The following MYOM1 variants were observed in gnomAD, a reference collection of about 807,000 sequenced individuals.
MYOM1 encodes the protein myomesin 1.
Under a neutral mutation model 205.3 loss-of-function variants are expected in MYOM1, and 164 were observed. That is an observed-to-expected ratio of 0.80 (90% CI 0.70 to 0.91). MYOM1 has a LOEUF of 0.91. Ranked by LOEUF, MYOM1 falls within the 40% of genes least tolerant of loss-of-function variation. The probability of loss-of-function intolerance (pLI) is 0.00; values close to 1 mark genes in which losing one functional copy is unlikely to be tolerated. For missense variants in MYOM1, 2,011 were observed against 2,127.3 expected (o/e 0.95, Z 1.08); for synonymous variants, 772 against 789.4 (o/e 0.98, Z 0.37).
intron 13 of MYOM1, among the ~76,000 whole-genome samples, chr18:3,146,594 A>T (rs1414551815): frequency 6.6e-6 from 1 of 152,108 alleles, no homozygotes; most frequent in Non-Finnish European, 1.5e-5. Context: ...CTCTCAGAAA[A>T]CCAGGAGTAG....
chr18:3,160,087 C>CCTT (rs1245975896), intron 10 of MYOM1, among the ~76,000 whole-genome samples: 2 of 120,304 alleles, frequency 1.7e-5, no homozygotes, highest in African/African-American at 7.4e-5. Context: ...TCCTCCTCCT[C>CCTT]CTTCTTCTCC....
intron 3 of MYOM1, among the ~76,000 whole-genome samples, chr18:3,192,103 T>C (rs1436693892): frequency 6.6e-6 from 1 of 151,924 alleles, no homozygotes; most frequent in Non-Finnish European, 1.5e-5. Context: ...ATGTTAGGAG[T>C]AAGAAGCTTC....
At chr18:3,232,951 G>C in the MYOM1 span, among the ~76,000 whole-genome samples, 1 of 152,174 alleles carries the variant, frequency 6.6e-6, no homozygotes, top group Non-Finnish European at 1.5e-5. Flanking sequence ...TTGGAGGTTT[G>C]AAATTTTGTT....
intron 23 of MYOM1, 93 bp from the exon 24 acceptor site, chr18:3,100,519 C>A: frequency 1.2e-6 from 1 of 838,390 alleles, no homozygotes; most frequent in Non-Finnish European, 2.0e-6. Context: ...TATACTACTC[C>A]TTTCATCTGG....
chr18:3,165,173 A>C (rs978247031), intron 9 of MYOM1, among the ~76,000 whole-genome samples: 2 of 151,272 alleles, frequency 1.3e-5, no homozygotes, highest in African/African-American at 4.8e-5. Flanking sequence ...AGAACCTAGA[A>C]TAAAGGGACA....
chr18:3,111,492 C>T (rs1390329098), intron 22 of MYOM1, among the ~76,000 whole-genome samples: 2 of 152,096 alleles, frequency 1.3e-5, no homozygotes, highest in African/African-American at 2.4e-5. Flanking sequence ...GTTAGTTTAG[C>T]CCAGGGGTCA....
the MYOM1 span, among the ~76,000 whole-genome samples, chr18:3,233,851 G>T: frequency 3.3e-4 from 51 of 152,268 alleles, no homozygotes; most frequent in African/African-American, 1.2e-3. Context: ...TTTCCGGGAA[G>T]AATAACAACA....
intron 34 of MYOM1, 149 bp downstream of exon 34, chr18:3,079,030 C>G: frequency 1.3e-5 from 5 of 378,308 alleles, no homozygotes; most frequent in Non-Finnish European, 9.2e-6. Context: ...CCAGGCTGGT[C>G]TTGAACTCCT....
At position 3,191,343 on chromosome 18, in the gene MYOM1, G is replaced by A. The variant is rs550132258; in HGVS notation, c.432-2256C>T. Among the ~76,000 whole-genome samples the A allele has an allele frequency of 6.6e-5, 10 of 152,232 alleles. No homozygotes were observed. The South Asian group carries it at 8.3e-4, about 13-fold the overall frequency. ...TGCAGAGGGCATGTCCACTGCATTC[G>A]CCAGGCCTACGTGGGACTTTCAATT... On this transcript the variant is annotated intron_variant, in intron 3 of 37. Transcript: ENST00000356443.
chr18:3,134,499 C>CT, intron 16 of MYOM1, 151 bp downstream of exon 16: 5 of 802,286 alleles, frequency 6.2e-6, no homozygotes, highest in South Asian at 6.3e-5. Context: ...CCTCAGCCTC[C>CT]GAAAGTGCTA....
chr18:3,150,644 T>C (rs980996940), intron 12 of MYOM1, among the ~76,000 whole-genome samples: 4 of 152,166 alleles, frequency 2.6e-5, no homozygotes, highest in African/African-American at 4.8e-5. Context: ...AAGCCTGGCA[T>C]AAGCCTGAAA....
intron 19 of MYOM1, among the ~76,000 whole-genome samples, chr18:3,123,501 A>G (rs1027170856): frequency 2.6e-5 from 4 of 152,076 alleles, no homozygotes; most frequent in Non-Finnish European, 5.9e-5. Flanking sequence ...ACGAATGAAG[A>G]AAAATAACAT....
intron 2 of MYOM1, among the ~76,000 whole-genome samples, chr18:3,208,137 T>A (rs186541881): frequency 3.3e-5 from 5 of 152,308 alleles, no homozygotes; most frequent in Non-Finnish European, 7.4e-5. Flanking sequence ...TGTTTACAGC[T>A]GAGGAAGTTG....
intron 22 of MYOM1, among the ~76,000 whole-genome samples, chr18:3,103,642 A>T (rs950808912): frequency 1.3e-5 from 2 of 152,190 alleles, no homozygotes; most frequent in Non-Finnish European, 2.9e-5. Context: ...GTATTTTTTT[A>T]AAAAGCATAA....
At chr18:3,114,481 A>G (rs1457269218) in intron 21 of MYOM1, among the ~76,000 whole-genome samples, 1 of 150,268 alleles carries the variant, frequency 6.7e-6, no homozygotes, top group Non-Finnish European at 1.5e-5. Flanking sequence ...TGGTTCAAGC[A>G]ATCCTCCCAT....
intron 13 of MYOM1, 41 bp from the exon 14 acceptor site, chr18:3,142,104 G>C: frequency 6.2e-7 from 1 of 1,606,950 alleles, no homozygotes; most frequent in Non-Finnish European, 8.5e-7. Context: ...CACATTCTGG[G>C]TAGCCCAGGA....
chr18:3,136,028 G>A (rs539867252), intron 14 of MYOM1, among the ~76,000 whole-genome samples: 1 of 152,240 alleles, frequency 6.6e-6, no homozygotes, highest in African/African-American at 2.4e-5. Context: ...TGAATCATGG[G>A]GGCGGTTTCC....
intron 8 of MYOM1, among the ~76,000 whole-genome samples, chr18:3,171,676 T>C (rs2080559526): frequency 6.6e-6 from 1 of 152,186 alleles, no homozygotes. Context: ...GAATGGTTTT[T>C]GCATGTTTTA....
Position 3,067,096 on chromosome 18 carries a change from A to G in MYOM1, c.*166T>C, listed in dbSNP as rs2078903359. ...ATTTTGTAGATAAAGAAAAACAATT[A>G]AAGTGTCATTAGTTGGTGCTTTTTT... is the stretch of plus-strand genomic sequence containing the variant. On this transcript the variant is annotated 3_prime_UTR_variant, in exon 38 of 38. Coordinates refer to ENST00000356443, the MANE Select transcript of MYOM1 (RefSeq NM_003803.4). 1.5e-6 allele frequency: 1 copy of G among 683,214 alleles called. No individual in the cohort carries two copies. Among genetic ancestry groups the G allele is most frequent in the South Asian group, 2.1e-5 (1 of 46,822 alleles). 42.3% of individuals were successfully genotyped at this position (683,214 alleles called of 1,614,324 possible).
Sources: gnomAD v4.1 joint callset for allele counts (sites outside exome capture counted in the v4.1 genomes callset) on GRCh38, gnomAD v4.1.1 for gene constraint, MANE v1.5 for transcripts, NCBI Gene and HGNC (gene_info 2026-07-23, HGNC 2026-07-21) for gene names.